The following MEI4 variants were observed in gnomAD, a reference collection of about 807,000 sequenced individuals.
MEI4 encodes meiosis-specific protein MEI4.
Under a neutral mutation model 31.4 loss-of-function variants are expected in MEI4, and 27 were observed. The observed-to-expected ratio is 0.86, with a 90% CI of 0.63 to 1.19. The LOEUF (loss-of-function observed/expected upper bound fraction) is 1.19. Ranked by LOEUF, MEI4 falls within the 50% of genes most tolerant of loss-of-function variation. The probability of loss-of-function intolerance (pLI) is 0.00; values close to 1 mark genes in which losing one functional copy is unlikely to be tolerated. For missense variants in MEI4, 329 were observed against 398.9 expected, an observed-to-expected ratio of 0.82 and a Z score of 1.49; for synonymous variants, 122 against 145.4, an observed-to-expected ratio of 0.84 and a Z score of 1.16.
intron 4 of MEI4, among the ~76,000 whole-genome samples, chr6:77,849,968 C>T (rs746903790): frequency 1.2e-4 from 18 of 152,196 alleles, no homozygotes; most frequent in South Asian, 2.1e-4. Context: ...TGGCAGAACG[C>T]GGTACAAATT....
At chr6:77,687,405 TG>T (rs1344072171) in intron 1 of MEI4, among the ~76,000 whole-genome samples, 4 of 152,136 alleles carry the variant, frequency 2.6e-5, no homozygotes, top group African/African-American at 9.7e-5. Context: ...TTTAGGAAGC[TG>T]GGGTGTTTTC....
At chr6:77,740,138 A>G (rs777039572) in intron 2 of MEI4, among the ~76,000 whole-genome samples, 9 of 152,148 alleles carry the variant, frequency 5.9e-5, no homozygotes, top group Non-Finnish European at 1.3e-4. Flanking sequence ...CTTGAATTCT[A>G]TTTTAATTAC....
intron 4 of MEI4, among the ~76,000 whole-genome samples, chr6:77,907,313 G>T (rs1766319361): frequency 6.6e-6 from 1 of 152,034 alleles, no homozygotes. Flanking sequence ...ACAGGACCCG[G>T]TGTGTGATGT....
chr6:77,734,979 T>A (rs1767141634), intron 2 of MEI4, among the ~76,000 whole-genome samples: 1 of 152,096 alleles, frequency 6.6e-6, no homozygotes, highest in South Asian at 2.1e-4. Context: ...CTCTTCTGGC[T>A]TGTAGGGTTT....
chr6:77,892,831 G>A lies in MEI4; in HGVS notation c.901-30258G>A, dbSNP rs1765997889. Among the ~76,000 whole-genome samples, 2 of 151,978 alleles carry A rather than the reference G, an allele frequency of 1.3e-5. 1 individual carries two copies. Among genetic ancestry groups the A allele is most frequent in the Non-Finnish European group, 2.9e-5 (2 of 68,012 alleles). On this transcript the variant is annotated intron_variant, in intron 4 of 4. Coordinates refer to ENST00000684080, the MANE Select transcript of MEI4 (RefSeq NM_001322247.2). ...CCCAAACAGTATATAGTTTGGTGGG[G>A]GCTGGACTCTCCAAATGGCTCCATG...
chr6:77,904,514 A>C (rs1175044540), intron 4 of MEI4, among the ~76,000 whole-genome samples: 1 of 151,534 alleles, frequency 6.6e-6, no homozygotes, highest in African/African-American at 2.4e-5. Flanking sequence ...CTTTTTGTCC[A>C]TGTGTACTCA....
chr6:77,780,624 G>A (rs1023648911), intron 3 of MEI4, among the ~76,000 whole-genome samples: 22 of 152,110 alleles, frequency 1.4e-4, no homozygotes, highest in Non-Finnish European at 2.9e-5. Context: ...AATGATATAT[G>A]TGCTAATCTG....
rs73763509 is a variant in MEI4 at position 77,848,142 on chromosome 6, G to A, written c.900+19080G>A. On this transcript the variant is annotated intron_variant, in intron 4 of 4. Transcript: ENST00000684080. ...TTGAAGAATAGAAAGCAACTATAAG[G>A]TATAATGATAAAGAGAGGGTTCTGG... is the stretch of plus-strand genomic sequence containing the variant. Among the ~76,000 whole-genome samples the A allele has an allele frequency of 9.1e-3, 1,393 of 152,246 alleles. 17 individuals carry two copies. The highest frequency in any genetic ancestry group is 0.031 in the African/African-American group (1,289 of 41,552).
At chr6:77,745,723 A>T (rs2127675067) in intron 2 of MEI4, among the ~76,000 whole-genome samples, 1 of 152,312 alleles carries the variant, frequency 6.6e-6, no homozygotes, top group South Asian at 2.1e-4. Flanking sequence ...CTGGGAAGTA[A>T]AGCACTCCTC....
Position 77,744,727 on chromosome 6 carries a change from T to TCG in MEI4, c.233-16403_233-16402insCG, listed in dbSNP as rs1561970516. Among the ~76,000 whole-genome samples, 213 of 152,266 alleles carry TCG rather than the reference T, an allele frequency of 1.4e-3. 1 individual carries two copies. The highest frequency in any genetic ancestry group is 4.5e-3 in the African/African-American group (187 of 41,568). ...TTAAGGGCAGCCAGAGAGAAAGGTA[T>TCG]GGTTACCCACAAGGGGAAGCCCATC... On this transcript the variant is annotated intron_variant, in intron 2 of 4. Transcript: ENST00000684080.
chr6:77,757,582 A>T (rs1767946274), intron 2 of MEI4, among the ~76,000 whole-genome samples: 1 of 152,212 alleles, frequency 6.6e-6, no homozygotes, highest in Admixed American at 6.5e-5. Flanking sequence ...AAGTAGAGAG[A>T]AAAACTGGCA....
At chr6:77,919,931 C>A (rs913663571) in intron 4 of MEI4, among the ~76,000 whole-genome samples, 4 of 148,624 alleles carry the variant, frequency 2.7e-5, no homozygotes, top group African/African-American at 7.5e-5. Flanking sequence ...CACATACACT[C>A]TCCCAAGACT....
chr6:77,761,087 T>G (rs1222532585), intron 2 of MEI4, 43 bp from the exon 3 acceptor site: 1 of 1,210,540 alleles, frequency 8.3e-7, no homozygotes, highest in Non-Finnish European at 1.0e-6. Context: ...ATGAAGAAAT[T>G]TCAGCTGCAT....
chr6:77,679,444 T>C lies in MEI4; in HGVS notation c.-14-11214T>C, dbSNP rs9443434. ...TACAGTATTTAGTAGAATAATGTGC[T>C]GCACAGGTTTGCAGCCTAGGAGCAA... On this transcript the variant is annotated intron_variant, in intron 1 of 4. Coordinates refer to ENST00000684080, the MANE Select transcript of MEI4 (RefSeq NM_001322247.2). Among the ~76,000 whole-genome samples, 1,222 of 152,386 alleles carry C rather than the reference T, an allele frequency of 8.0e-3. 14 individuals are homozygous for C. The highest frequency in any genetic ancestry group is 0.027 in the African/African-American group (1,106 of 41,584).
intron 1 of MEI4, among the ~76,000 whole-genome samples, chr6:77,687,873 G>C (rs1217758320): frequency 1.3e-5 from 2 of 151,988 alleles, no homozygotes; most frequent in African/African-American, 4.8e-5. Flanking sequence ...GGGTTTTATG[G>C]AGATTTCATC....
At chr6:77,680,237 C>T (rs1052493822) in intron 1 of MEI4, among the ~76,000 whole-genome samples, 10 of 151,140 alleles carry the variant, frequency 6.6e-5, no homozygotes, top group African/African-American at 1.9e-4. Context: ...CGAGATCGCA[C>T]CACCGCACTC....
At chr6:77,860,048 C>A (rs1157963548) in intron 4 of MEI4, among the ~76,000 whole-genome samples, 1 of 152,146 alleles carries the variant, frequency 6.6e-6, no homozygotes, top group Non-Finnish European at 1.5e-5. Context: ...TTACAGCTTA[C>A]GATTTCCAAA....
intron 4 of MEI4, among the ~76,000 whole-genome samples, chr6:77,889,027 G>A (rs1051888348): frequency 6.6e-6 from 1 of 152,110 alleles, no homozygotes; most frequent in African/African-American, 2.4e-5. Flanking sequence ...CAGCCCTGTA[G>A]AACTGTGAGT....
intron 1 of MEI4, among the ~76,000 whole-genome samples, chr6:77,676,718 A>G (rs1768852119): frequency 6.6e-6 from 1 of 152,100 alleles, no homozygotes; most frequent in African/African-American, 2.4e-5. Flanking sequence ...GGCGGTTAGG[A>G]TGATCCTATG....
Sources: gnomAD v4.1 joint callset for allele counts (sites outside exome capture counted in the v4.1 genomes callset) on GRCh38, gnomAD v4.1.1 for gene constraint, MANE v1.5 for transcripts, NCBI Gene and HGNC (gene_info 2026-07-23, HGNC 2026-07-21) for gene names.